The following CCDC138 variants were observed in gnomAD, a reference collection of about 807,000 sequenced individuals.
CCDC138 encodes the protein coiled-coil domain-containing protein 138.
In CCDC138, 66 loss-of-function variants were observed where a neutral mutation model predicts 82.3. The observed-to-expected ratio is 0.80, with a 90% CI of 0.66 to 0.98. CCDC138 has a LOEUF of 0.98. Ranked by LOEUF, CCDC138 falls within the 50% of genes least tolerant of loss-of-function variation. The probability of loss-of-function intolerance (pLI) is 0.00; values close to 1 mark genes in which losing one functional copy is unlikely to be tolerated. For missense variants in CCDC138, 816 were observed against 758.9 expected (o/e 1.08, Z -0.88); for synonymous variants, 297 against 265.4 (o/e 1.12, Z -1.16).
chr2:108,835,278 CA>C, intron 10 of CCDC138, among the ~76,000 whole-genome samples: 1 of 152,122 alleles, frequency 6.6e-6, no homozygotes. Context: ...CAATGTGCAG[CA>C]AAAGGTAATT....
chr2:108,867,457 T>G (rs1291776934), intron 13 of CCDC138, among the ~76,000 whole-genome samples: 1 of 152,222 alleles, frequency 6.6e-6, no homozygotes, highest in Non-Finnish European at 1.5e-5. Flanking sequence ...CTAGGAAGTT[T>G]ACCTGGGGAG....
chr2:108,786,989 C>G (rs1573876548), intron 1 of CCDC138, 74 bp downstream of exon 1: 2 of 1,072,232 alleles, frequency 1.9e-6, no homozygotes, highest in Non-Finnish European at 2.5e-6. Flanking sequence ...CCCGCGCAGC[C>G]GGCCTGGGGG....
rs1688976007 is a variant in CCDC138 at position 108,838,705 on chromosome 2, A to T, written c.1207-480A>T. ...GTAGACATATAAACAAGTAAATAGT[A>T]CTCCAGTTTCTGAAATCCAGCATTT... On this transcript the variant is annotated intron_variant, in intron 10 of 14. Coordinates refer to ENST00000295124, the MANE Select transcript of CCDC138 (RefSeq NM_144978.3). Among the ~76,000 whole-genome samples the T allele has an allele frequency of 5.9e-5, 9 of 152,202 alleles. No homozygotes were observed. In the South Asian group the frequency reaches 1.9e-3, roughly 32 times the overall value.
intron 10 of CCDC138, among the ~76,000 whole-genome samples, chr2:108,820,269 A>G (rs914433584): frequency 6.6e-6 from 1 of 152,096 alleles, no homozygotes; most frequent in African/African-American, 2.4e-5. Flanking sequence ...AAATAATAAA[A>G]TTATGTCAGA....
chr2:108,883,009 TC>T (rs1366937488), intron 2 of CCDC138: 1 of 152,126 alleles, frequency 6.6e-6, no homozygotes, highest in Non-Finnish European at 1.5e-5. Context: ...GACCTTGTCT[TC>T]TTTATATAGG....
intron 2 of CCDC138, chr2:108,882,983 A>G (rs1234756916): frequency 1.3e-5 from 2 of 151,654 alleles, no homozygotes; most frequent in Non-Finnish European, 1.5e-5. Context: ...GGCGCAAGTC[A>G]GGTGGGGCTA....
At chr2:108,813,986 C>T (rs1684330556) in intron 9 of CCDC138, among the ~76,000 whole-genome samples, 1 of 152,152 alleles carries the variant, frequency 6.6e-6, no homozygotes, top group Non-Finnish European at 1.5e-5. Flanking sequence ...TTCCTTCATT[C>T]TTCTGTTGAT....
chr2:108,850,851 C>T (rs911635089), intron 12 of CCDC138, among the ~76,000 whole-genome samples: 1 of 152,118 alleles, frequency 6.6e-6, no homozygotes, highest in Non-Finnish European at 1.5e-5. Flanking sequence ...CAGAAGAAGA[C>T]TTCTGTGACA....
At chr2:108,820,285 A>G (rs1685457760) in intron 10 of CCDC138, among the ~76,000 whole-genome samples, 2 of 152,142 alleles carry the variant, frequency 1.3e-5, no homozygotes, top group Non-Finnish European at 2.9e-5. Flanking sequence ...TCAGAGGAGC[A>G]AAGAGAAAAA....
At position 108,788,937 on chromosome 2, in the gene CCDC138, C is replaced by A. The variant is rs1679434282; in HGVS notation, c.237C>A (p.Gly79=). The A allele has an allele frequency of 5.6e-6, 9 of 1,614,060 alleles. No homozygotes were observed. Among genetic ancestry groups the A allele is most frequent in the Non-Finnish European group, 7.6e-6 (9 of 1,179,980 alleles). ...DESKHCRTPL[G]SLFKHVNVNC... ...GCAAGCATTGTAGAACACCATTGGG[C>A]AGCTTATTCAAGCACGTAAATGTGA... is the stretch of plus-strand genomic sequence containing the variant. Residue 79 remains glycine, a synonymous_variant, in exon 3 of 15, where the codon GGC becomes GGA. Transcript: ENST00000295124.
At chr2:108,827,553 C>T (rs994956822) in intron 10 of CCDC138, among the ~76,000 whole-genome samples, 1 of 151,920 alleles carries the variant, frequency 6.6e-6, no homozygotes, top group South Asian at 2.1e-4. Flanking sequence ...GCAGTGGCTC[C>T]CGCCTGTAAT....
rs1467688952 is a variant in CCDC138 at position 108,876,129 on chromosome 2, T to G, written c.1874T>G (p.Met625Arg). 2 of 1,606,618 alleles carry G rather than the reference T, an allele frequency of 1.2e-6. No individual in the cohort carries two copies. The highest frequency in any genetic ancestry group is 1.7e-6 in the Non-Finnish European group (2 of 1,173,534). The change falls in exon 15 of 15, where the codon ATG becomes AGG. Residue 625 changes from methionine to arginine, a missense_variant. Transcript: ENST00000295124. ...KLFELFTIHL[M>R]LQEIQRTTNP... Reference sequence around the variant, plus strand: ...TTTGAACTTTTTACGATTCATCTGATGCTTCAAGAAATACAAAGGACAACA... The same window carrying G: ...TTTGAACTTTTTACGATTCATCTGAGGCTTCAAGAAATACAAAGGACAACA...
chr2:108,787,777 A>G (rs933107996), intron 1 of CCDC138, among the ~76,000 whole-genome samples: 3 of 151,880 alleles, frequency 2.0e-5, no homozygotes, highest in African/African-American at 7.3e-5. Flanking sequence ...TATCTTATAG[A>G]TGCTTCTTCG....
intron 1 of CCDC138, chr2:108,882,661 TC>T (rs1202976054): frequency 1.3e-5 from 2 of 152,324 alleles, no homozygotes; most frequent in African/African-American, 4.8e-5. Context: ...CCATCCCCTT[TC>T]CTTTTCAGGT....
At chr2:108,834,830 C>T (rs1344747190) in intron 10 of CCDC138, among the ~76,000 whole-genome samples, 4 of 152,168 alleles carry the variant, frequency 2.6e-5, no homozygotes, top group Non-Finnish European at 4.4e-5. Context: ...TTCTAAGTAT[C>T]TCATGTAAGT....
At chr2:108,796,627 ATAT>A (rs1057467669) in intron 5 of CCDC138, among the ~76,000 whole-genome samples, 5 of 152,242 alleles carry the variant, frequency 3.3e-5, no homozygotes, top group African/African-American at 4.8e-5. Context: ...ACACAATGGA[ATAT>A]TATTCAGCCA....
intron 13 of CCDC138, among the ~76,000 whole-genome samples, chr2:108,866,862 G>A (rs887271687): frequency 5.3e-5 from 8 of 151,268 alleles, no homozygotes; most frequent in Middle Eastern, 3.2e-3. Flanking sequence ...CAGCCTGGGC[G>A]ACAGAGTAAG....
At chr2:108,856,667 A>G (rs1171766550) in intron 12 of CCDC138, 127 bp from the exon 13 acceptor site, 14 of 800,754 alleles carry the variant, frequency 1.7e-5, no homozygotes, top group Non-Finnish European at 2.8e-5. Context: ...TTAGACTGTG[A>G]TCTCTTATTT....
intron 12 of CCDC138, among the ~76,000 whole-genome samples, chr2:108,848,982 A>C (rs1209539469): frequency 6.6e-6 from 1 of 152,210 alleles, no homozygotes; most frequent in Non-Finnish European, 1.5e-5. Context: ...CCCTGTGTTC[A>C]AGAAGGTAAA....
Sources: gnomAD v4.1 joint callset for allele counts (sites outside exome capture counted in the v4.1 genomes callset) on GRCh38, gnomAD v4.1.1 for gene constraint, MANE v1.5 for transcripts, NCBI Gene and HGNC (gene_info 2026-07-23, HGNC 2026-07-21) for gene names.